Variants in HMSD observed in about 807,000 individuals in gnomAD.
HMSD encodes the protein serpin-like protein HMSD.
HMSD carries 13 observed loss-of-function variants against 10.0 expected under a neutral mutation model. The observed-to-expected ratio is 1.31, with a 90% confidence interval of 0.85 to 2.08. The LOEUF (loss-of-function observed/expected upper bound fraction) is 2.08. Ranked by LOEUF, HMSD falls within the 30% of genes most tolerant of loss-of-function variation. HMSD has a pLI of 0.00. For synonymous variants in HMSD, 51 were observed against 54.2 expected, an observed-to-expected ratio of 0.94 and a Z score of 0.26; for missense variants, 169 against 166.3, an observed-to-expected ratio of 1.02 and a Z score of -0.09.
Position 63,960,521 on chromosome 18 carries a change from A to G in HMSD, c.*166A>G, listed in dbSNP as rs2050381031. On this transcript the variant is annotated 3_prime_UTR_variant, in exon 4 of 4. Coordinates refer to ENST00000408945, the MANE Select transcript of HMSD (RefSeq NM_001123366.2). ...CTTCCAGGTTTTTTTGCTTGTTAAT[A>G]TTAGGTAGTTTTTCTTTTCACAAAT... 7.5e-6 allele frequency: 8 copies of G among 1,063,944 alleles called. No homozygotes were observed. In the South Asian group the frequency reaches 1.4e-4, roughly 18 times the overall value. 65.9% of individuals were successfully genotyped at this position (1,063,944 alleles called of 1,614,324 possible).
downstream of HMSD, among the ~76,000 whole-genome samples, chr18:63,965,901 A>C (rs571966275): frequency 6.6e-4 from 100 of 152,126 alleles, no homozygotes; most frequent in Non-Finnish European, 1.1e-3. Flanking sequence ...GTTGCAGTGA[A>C]CCTTCATTGA....
intron 3 of HMSD, chr18:63,966,889 C>CAATAT (rs2050412085): frequency 1.3e-5 from 2 of 152,198 alleles, no homozygotes; most frequent in African/African-American, 4.8e-5. Flanking sequence ...TAAGGAACAG[C>CAATAT]GTCAACAATA....
At chr18:63,952,520 CTTAA>C (rs2050336598) in intron 1 of HMSD, among the ~76,000 whole-genome samples, 1 of 152,074 alleles carries the variant, frequency 6.6e-6, no homozygotes, top group South Asian at 2.1e-4. Flanking sequence ...TAACTTTATT[CTTAA>C]TTTATACTTA....
rs143659349 is a variant in HMSD at position 63,969,362 on chromosome 18, A to C, written n.313-8937A>C. 6.6e-5 allele frequency: 10 copies of C among 152,360 alleles called. No individual in the cohort carries two copies. The East Asian group carries it at 1.9e-3, about 29-fold the overall frequency. 9.4% of individuals were successfully genotyped at this position (152,360 alleles called of 1,614,324 possible). A position where few individuals can be genotyped will look rare whatever the true frequency, so the allele number is the denominator to read the frequency against. On this transcript the variant is annotated intron_variant and non_coding_transcript_variant, in intron 3 of 5. Transcript: ENST00000481726. Reference sequence around the variant, plus strand: ...AGGCAATAGGTTGGCATGGATCAGAACTGTAGGTAGGAAAATTAATTGTTT... The same window carrying C: ...AGGCAATAGGTTGGCATGGATCAGACCTGTAGGTAGGAAAATTAATTGTTT...
chr18:63,954,418 T>C lies in HMSD; in HGVS notation c.83T>C (p.Phe28Ser), dbSNP rs771824897. The change falls in exon 3 of 4, where the codon TTT (phenylalanine) becomes TCT (serine). Residue 28 changes from phenylalanine (F) to serine (S), a missense_variant. Phe to Ser is a radical substitution (Grantham distance 155, BLOSUM62 -2). Transcript: ENST00000408945. The stretch of plus-strand genomic sequence containing the variant: ...TTATTTTATTTTCAGGCACTTTGTT[T>C]TAGTAAAATCGGAGGTGAAGATGGA... ...TAAQMSQALC[F>S]SKIGGEDGDI... 1.2e-6 allele frequency: 2 copies of C among 1,611,580 alleles called. No individual in the cohort carries two copies. Among genetic ancestry groups the C allele is most frequent in the South Asian group, 2.2e-5 (2 of 90,832 alleles).
chr18:63,969,076 G>A (rs1202986551), intron 3 of HMSD, among the ~76,000 whole-genome samples: 2 of 152,192 alleles, frequency 1.3e-5, no homozygotes, highest in Non-Finnish European at 2.9e-5. Context: ...AGAGCTTCCT[G>A]CAGGAGACAT....
chr18:63,963,123 T>TTTCTTTCTCTTTC (rs1568261417), downstream of HMSD, among the ~76,000 whole-genome samples: 8 of 139,920 alleles, frequency 5.7e-5, no homozygotes, highest in African/African-American at 2.1e-4. Context: ...CTTTCTTTCT[T>TTTCTTTCTCTTTC]TCTTTCTTTC....
chr18:63,964,299 C>T (rs1291400400), downstream of HMSD, among the ~76,000 whole-genome samples: 1 of 152,182 alleles, frequency 6.6e-6, no homozygotes, highest in Non-Finnish European at 1.5e-5. Flanking sequence ...GTGGGCAGAT[C>T]ACCGGAGGTC....
intron 2 of HMSD, 53 bp downstream of exon 2, chr18:63,953,580 G>A (rs2050342373): frequency 7.1e-7 from 1 of 1,405,352 alleles, no homozygotes; most frequent in African/African-American, 1.4e-5. Flanking sequence ...TATCAGTTGA[G>A]CTGGACTTCT....
At chr18:63,964,909 C>CT (rs200905899), downstream of HMSD, among the ~76,000 whole-genome samples, 1 of 151,518 alleles carries the variant, frequency 6.6e-6, no homozygotes, top group African/African-American at 2.4e-5. Context: ...GTCCTTAGTT[C>CT]TTTTTTTTTC....
At chr18:63,951,953 G>A (rs1391423029) in intron 1 of HMSD, among the ~76,000 whole-genome samples, 1 of 152,000 alleles carries the variant, frequency 6.6e-6, no homozygotes, top group Admixed American at 6.6e-5. Context: ...GGAATACTAT[G>A]CAGCCATAAA....
At chr18:63,965,567 C>A (rs554478308), downstream of HMSD, among the ~76,000 whole-genome samples, 1 of 152,154 alleles carries the variant, frequency 6.6e-6, no homozygotes, top group Non-Finnish European at 1.5e-5. Flanking sequence ...CCTTGAAATA[C>A]AATACCAGGC....
intron 3 of HMSD, among the ~76,000 whole-genome samples, 197 bp from the exon 4 acceptor site, chr18:63,959,961 G>A (rs1341880375): frequency 2.6e-5 from 4 of 152,126 alleles, no homozygotes; most frequent in Non-Finnish European, 5.9e-5. Context: ...GCAGCCCACC[G>A]CGTTGCTTAG....
At chr18:63,964,943 A>G (rs1038247776), downstream of HMSD, among the ~76,000 whole-genome samples, 3 of 152,204 alleles carry the variant, frequency 2.0e-5, no homozygotes, top group Non-Finnish European at 4.4e-5. Context: ...ACATGAAGTG[A>G]CAATTTCTCT....
Position 63,960,679 on chromosome 18 carries a change from A to T in HMSD, c.*324A>T. On this transcript the variant is annotated 3_prime_UTR_variant, in exon 4 of 4. Transcript: ENST00000408945. ...AACACACTGATGATTTAGATTGAACAGGGAGAGTTATATTGTTTTCTAGGG... is the reference window on the plus strand; with the variant it reads ...AACACACTGATGATTTAGATTGAACTGGGAGAGTTATATTGTTTTCTAGGG... 1 of 235,410 alleles carries T rather than the reference A, an allele frequency of 4.2e-6. No homozygotes were observed. Among genetic ancestry groups the T allele is most frequent in the Non-Finnish European group, 8.2e-6 (1 of 121,748 alleles). 14.6% of individuals were successfully genotyped at this position (235,410 alleles called of 1,614,324 possible). A position where few individuals can be genotyped will look rare whatever the true frequency, so the allele number is the denominator to read the frequency against.
chr18:63,953,221 T>A, intron 1 of HMSD, 133 bp from the exon 2 acceptor site: 1 of 444,794 alleles, frequency 2.2e-6, no homozygotes, highest in Non-Finnish European at 4.2e-6. Context: ...AAAGCCCTAG[T>A]GTAGTTTTTG....
downstream of HMSD, among the ~76,000 whole-genome samples, chr18:63,963,109 CTT>C (rs1179352628): frequency 5.0e-4 from 66 of 133,012 alleles, no homozygotes; most frequent in African/African-American, 1.9e-3. Context: ...TTCTTTCTTT[CTT>C]TCTTTCTTTC....
intron 2 of HMSD, 30 bp from the exon 3 acceptor site, chr18:63,954,378 T>A (rs754375094): frequency 2.3e-5 from 35 of 1,543,804 alleles, no homozygotes; most frequent in Non-Finnish European, 2.9e-5. Flanking sequence ...ATACTGAGAA[T>A]GTGTATGTTT....
Position 63,960,297 on chromosome 18 carries a change from A to G in HMSD, c.362A>G (p.Tyr121Cys). ...KTKGENILLF[Y>C]FDNILNSFIV... ...AAAGGTGAAAATATATTGTTATTCT[A>G]TTTCGATAATATTTTAAACAGTTTT... The change falls in exon 4 of 4, where the codon TAT becomes TGT. Residue 121 changes from tyrosine (Y) to cysteine (C), a missense_variant. Transcript: ENST00000408945. 1 of 1,607,508 alleles carries G rather than the reference A, an allele frequency of 6.2e-7. No homozygotes were observed. The highest frequency in any genetic ancestry group is 8.5e-7 in the Non-Finnish European group (1 of 1,176,710).
Sources: allele counts gnomAD v4.1 joint callset (sites outside exome capture counted in the v4.1 genomes callset), GRCh38; gene constraint gnomAD v4.1.1; transcripts MANE v1.5; gene names NCBI Gene and HGNC (gene_info 2026-07-23, HGNC 2026-07-21).